The following UNC13C variants were observed in gnomAD, a reference collection of about 807,000 sequenced individuals.
UNC13C encodes unc-13 homolog C.
A neutral mutation model predicts 245.4 loss-of-function variants in UNC13C; 174 were observed. That is an observed-to-expected ratio of 0.71 (90% CI 0.63 to 0.80). The LOEUF (loss-of-function observed/expected upper bound fraction) is 0.80. UNC13C is among the 30% of genes least tolerant of loss of function. UNC13C has a pLI of 0.00. For missense variants in UNC13C, 2,829 were observed against 2,602.9 expected (o/e 1.09, Z -1.89); for synonymous variants, 992 against 895.1 (o/e 1.11, Z -1.93).
chr15:54,471,923 G>T (rs2141044151), intron 19 of UNC13C, among the ~76,000 whole-genome samples: 1 of 151,774 alleles, frequency 6.6e-6, no homozygotes, highest in East Asian at 1.9e-4. Flanking sequence ...GCTACTCTAT[G>T]CCTTTTGATT....
At chr15:54,158,282 C>A (rs2032834076) in intron 4 of UNC13C, among the ~76,000 whole-genome samples, 1 of 152,208 alleles carries the variant, frequency 6.6e-6, no homozygotes, top group Non-Finnish European at 1.5e-5. Context: ...GCAGATGCTG[C>A]CAAACTTCTT....
the UNC13C span, among the ~76,000 whole-genome samples, chr15:53,965,936 T>G: frequency 6.6e-6 from 1 of 152,196 alleles, no homozygotes; most frequent in Non-Finnish European, 1.5e-5. Flanking sequence ...ATGGTGTATA[T>G]GTGCCACATT....
intron 8 of UNC13C, among the ~76,000 whole-genome samples, chr15:54,263,868 T>C (rs1483187523): frequency 6.6e-6 from 1 of 152,154 alleles, no homozygotes; most frequent in African/African-American, 2.4e-5. Flanking sequence ...TTTGCTGCTT[T>C]TGAATTCTTT....
chr15:54,452,033 C>G (rs755398073), intron 19 of UNC13C, among the ~76,000 whole-genome samples: 33 of 152,200 alleles, frequency 2.2e-4, no homozygotes, highest in Non-Finnish European at 4.4e-4. Context: ...CCATACACAG[C>G]CAAATCAGTG....
the UNC13C span, chr15:53,955,734 C>G: frequency 6.6e-6 from 1 of 152,174 alleles, no homozygotes; most frequent in Admixed American, 6.5e-5. Context: ...TAAACATGCT[C>G]CATCAGCTGG....
chr15:54,612,590 A>G (rs1230796885), intron 30 of UNC13C, among the ~76,000 whole-genome samples: 2 of 152,150 alleles, frequency 1.3e-5, no homozygotes, highest in African/African-American at 4.8e-5. Flanking sequence ...AACTCCTCCT[A>G]GAACATTCAA....
intron 19 of UNC13C, among the ~76,000 whole-genome samples, chr15:54,422,922 A>G (rs2040678972): frequency 6.6e-6 from 1 of 151,086 alleles, no homozygotes; most frequent in Non-Finnish European, 1.5e-5. Context: ...GTCACAATCC[A>G]AAGCAAAAAG....
chr15:53,991,843 G>A (rs908580084), intron 1 of UNC13C, among the ~76,000 whole-genome samples: 2 of 152,040 alleles, frequency 1.3e-5, no homozygotes, highest in East Asian at 1.9e-4. Flanking sequence ...GTCCTGTAAC[G>A]TACCTGATAT....
At position 54,047,126 on chromosome 15, in the gene UNC13C, C is replaced by G. The variant is rs1052812152; in HGVS notation, c.2983+31240C>G. Among the ~76,000 whole-genome samples the G allele has an allele frequency of 2.0e-5, 3 of 151,994 alleles. No individual in the cohort carries two copies. The East Asian group carries it at 5.8e-4, about 29-fold the overall frequency. ...AGACAGATGATTAAGACTAGTCAAA[C>G]AGGTTTATCATTTAAGAAGATTTTC... On this transcript the variant is annotated intron_variant, in intron 2 of 32. Transcript: ENST00000260323.
chr15:54,408,713 C>T (rs1426042241), intron 18 of UNC13C, among the ~76,000 whole-genome samples: 2 of 152,126 alleles, frequency 1.3e-5, no homozygotes, highest in Non-Finnish European at 2.9e-5. Flanking sequence ...TACAAATTTT[C>T]AGTAGTTTGG....
intron 2 of UNC13C, among the ~76,000 whole-genome samples, chr15:54,117,968 T>G (rs2030391262): frequency 6.6e-6 from 1 of 152,214 alleles, no homozygotes; most frequent in African/African-American, 2.4e-5. Flanking sequence ...AATGTGCAGA[T>G]TTACATCTGG....
intron 2 of UNC13C, among the ~76,000 whole-genome samples, chr15:54,130,287 AT>A (rs71824258): frequency 3.7e-5 from 3 of 81,270 alleles, no homozygotes; most frequent in South Asian, 4.4e-4. Context: ...TAGATAATTA[AT>A]TTTTTTTTTT....
At chr15:53,891,874 T>C in the UNC13C span, among the ~76,000 whole-genome samples, 1 of 152,238 alleles carries the variant, frequency 6.6e-6, no homozygotes, top group African/African-American at 2.4e-5. Flanking sequence ...AAAGTTAATA[T>C]TGTTATATGT....
rs558898654 is a variant in UNC13C, at chr15:54,548,967, A to T, written c.5821-668A>T. Among the ~76,000 whole-genome samples, 6 of 152,290 alleles carry T rather than the reference A, an allele frequency of 3.9e-5. No individual in the cohort carries two copies. In the East Asian group the frequency reaches 1.2e-3, roughly 29 times the overall value. The stretch of plus-strand genomic sequence containing the variant: ...AATAAAATACACACTCCGATAAAAC[A>T]TCTAGATAACATTTGTTCAGAATAG... On this transcript the variant is annotated intron_variant, in intron 27 of 32. Coordinates refer to ENST00000260323, the MANE Select transcript of UNC13C (RefSeq NM_001080534.3).
At chr15:54,414,542 G>A (rs2040479290) in intron 18 of UNC13C, among the ~76,000 whole-genome samples, 1 of 152,126 alleles carries the variant, frequency 6.6e-6, no homozygotes, top group African/African-American at 2.4e-5. Flanking sequence ...AGCTACTTGG[G>A]AGGCTGAGGC....
intron 2 of UNC13C, among the ~76,000 whole-genome samples, chr15:54,090,395 CT>C (rs1367211644): frequency 2.0e-5 from 3 of 152,130 alleles, no homozygotes; most frequent in Non-Finnish European, 4.4e-5. Context: ...AGAGCAAATG[CT>C]TTGTAGTACA....
rs143851058 is a variant in UNC13C at position 54,458,416 on chromosome 15, T to C, written c.4934-36192T>C. Among the ~76,000 whole-genome samples the C allele has an allele frequency of 5.3e-5, 8 of 152,246 alleles. No individual in the cohort carries two copies. In the East Asian group the frequency reaches 1.4e-3, roughly 26 times the overall value. On this transcript the variant is annotated intron_variant, in intron 19 of 32. Transcript: ENST00000260323. ...TGTTAAATCCATTTGTTCTAGGGTA[T>C]AATTTAAGTCCATTGTTTCTTTGTT...
At chr15:54,489,212 A>G (rs763417606) in intron 19 of UNC13C, among the ~76,000 whole-genome samples, 3 of 152,304 alleles carry the variant, frequency 2.0e-5, no homozygotes, top group Non-Finnish European at 4.4e-5. Flanking sequence ...AGAATCATTT[A>G]AGAGGCATTA....
chr15:54,458,798 T>A (rs999436983), intron 19 of UNC13C, among the ~76,000 whole-genome samples: 2 of 151,586 alleles, frequency 1.3e-5, no homozygotes, highest in African/African-American at 4.8e-5. Context: ...CCTTCTCTGT[T>A]AGGTGAGTCT....
Sources: gnomAD v4.1 joint callset for allele counts (sites outside exome capture counted in the v4.1 genomes callset) on GRCh38, gnomAD v4.1.1 for gene constraint, MANE v1.5 for transcripts, NCBI Gene and HGNC (gene_info 2026-07-23, HGNC 2026-07-21) for gene names.